Variants in STAM2 observed in about 807,000 individuals in gnomAD.
STAM2 encodes signal transducing adapter molecule 2.
In STAM2, 51 loss-of-function variants were observed where a neutral mutation model predicts 65.6. The ratio of observed to expected loss-of-function variants is 0.78; its 90% CI spans 0.62 to 0.98. STAM2 has a LOEUF of 0.98. Among genes scored for constraint, STAM2 ranks in the 50% least tolerant of loss-of-function variants. The pLI is 0.00. For synonymous variants in STAM2, 198 were observed against 208.4 expected (o/e 0.95, Z 0.43); for missense variants, 584 against 617.8 (o/e 0.95, Z 0.58).
At chr2:152,164,475 C>T (rs192529099) in intron 1 of STAM2, among the ~76,000 whole-genome samples, 1 of 151,984 alleles carries the variant, frequency 6.6e-6, no homozygotes, top group Non-Finnish European at 1.5e-5. Context: ...CTTGAGTAGC[C>T]GGGATTACAG....
intron 6 of STAM2, 60 bp from the exon 7 acceptor site, chr2:152,144,073 G>C (rs1375123978): frequency 7.4e-7 from 1 of 1,348,316 alleles, no homozygotes; most frequent in Non-Finnish European, 1.0e-6. Context: ...ATAAACATTA[G>C]ATGACAATGT....
At chr2:152,155,774 T>C (rs1354508886) in intron 1 of STAM2, among the ~76,000 whole-genome samples, 1 of 152,238 alleles carries the variant, frequency 6.6e-6, no homozygotes, top group East Asian at 1.9e-4. Flanking sequence ...CTACCCACAT[T>C]CTTTTCTGTA....
chr2:152,149,505 T>C (rs1174782039), intron 2 of STAM2, among the ~76,000 whole-genome samples: 2 of 150,974 alleles, frequency 1.3e-5, no homozygotes, highest in Non-Finnish European at 3.0e-5. Context: ...TCTTTTTTTT[T>C]TTTTTTTTTT....
rs776742439 is a variant in STAM2, at chr2:152,119,266, C to T, written c.*1308G>A. On this transcript the variant is annotated 3_prime_UTR_variant, in exon 14 of 14. Coordinates refer to ENST00000263904, the MANE Select transcript of STAM2 (RefSeq NM_005843.6). Reference sequence around the variant, plus strand: ...TTTTTAGGAGAGAAAACAATCCCTACTGGTTTACTACCAAACTCTCACAGT... The same window carrying T: ...TTTTTAGGAGAGAAAACAATCCCTATTGGTTTACTACCAAACTCTCACAGT... 21 of 152,158 alleles carry T rather than the reference C, an allele frequency of 1.4e-4. No homozygotes were observed. Among genetic ancestry groups the T allele is most frequent in the South Asian group, 8.3e-4 (4 of 4,832 alleles). The allele number at this position is 152,158 out of a possible 1,614,324, so 9.4% of individuals were successfully genotyped here.
intron 11 of STAM2, among the ~76,000 whole-genome samples, chr2:152,129,894 A>C (rs1219082516): frequency 2.6e-5 from 4 of 152,226 alleles, no homozygotes; most frequent in Non-Finnish European, 1.5e-5. Context: ...TTTAGAAAAC[A>C]CAACAAATTT....
At chr2:152,167,676 C>T (rs566387022) in intron 1 of STAM2, among the ~76,000 whole-genome samples, 161 of 152,168 alleles carry the variant, frequency 1.1e-3, no homozygotes, top group African/African-American at 3.7e-3. Flanking sequence ...AGGTGAATCA[C>T]TTGAGGTCAG....
chr2:152,137,628 C>A (rs900402364), intron 7 of STAM2, among the ~76,000 whole-genome samples: 1 of 152,112 alleles, frequency 6.6e-6, no homozygotes, highest in East Asian at 1.9e-4. Context: ...CCTATGCAAT[C>A]AAATTTGGCA....
In STAM2 at chr2:152,147,194, C is replaced by T. The variant is rs749353068; in HGVS notation, c.415G>A (p.Glu139Lys). 6.2e-7 allele frequency: 1 copy of T among 1,609,300 alleles called. No homozygotes were observed. Among genetic ancestry groups the T allele is most frequent in the East Asian group, 2.2e-5 (1 of 44,590 alleles). ...ISATIKSMKEEGITFPPAGSQ... is the reference protein window; with the variant it reads ...ISATIKSMKEKGITFPPAGSQ... ...CCTGCTGGAGGAAAAGTAATTCCTTCTTCTTTCATAGATTTAATAGTTGCA... is the reference window on the plus strand; with the variant it reads ...CCTGCTGGAGGAAAAGTAATTCCTTTTTCTTTCATAGATTTAATAGTTGCA... The change falls in exon 5 of 14, where the codon GAA (glutamate) becomes AAA (lysine). Residue 139 changes from glutamate to lysine, a missense_variant. Glu to Lys is a moderately conservative substitution (Grantham distance 56). Transcript: ENST00000263904.
At position 152,143,817 on chromosome 2, in the gene STAM2, T is replaced by G; in HGVS notation, c.704+10A>C. 6.2e-7 allele frequency: 1 copy of G among 1,602,474 alleles called. No individual in the cohort carries two copies. Among genetic ancestry groups the G allele is most frequent in the Non-Finnish European group, 8.5e-7 (1 of 1,174,088 alleles). On this transcript the variant is annotated intron_variant, in intron 7 of 13. Transcript: ENST00000263904. ...CACTTTAAACCTTCCCATAAAGATT[T>G]AAAACTTACCTGTCATCCAAAACAA...
intron 1 of STAM2, among the ~76,000 whole-genome samples, chr2:152,173,131 C>T: frequency 6.6e-6 from 1 of 150,916 alleles, no homozygotes; most frequent in East Asian, 1.9e-4. Flanking sequence ...CATTTTGTGT[C>T]CATAGATTAA....
chr2:152,164,098 A>G (rs6731625), intron 1 of STAM2, among the ~76,000 whole-genome samples: 91,738 of 151,866 alleles, frequency 0.6, 29,394 homozygotes, highest in East Asian at 0.87. Flanking sequence ...CTGATTTTGC[A>G]GCTCTGGTGG....
chr2:152,159,800 C>G (rs1382058424), intron 1 of STAM2, among the ~76,000 whole-genome samples: 1 of 152,254 alleles, frequency 6.6e-6, no homozygotes, highest in Non-Finnish European at 1.5e-5. Context: ...ACTGTACTGC[C>G]GCCATCTCTG....
chr2:152,129,256 C>T (rs557614568), intron 11 of STAM2, among the ~76,000 whole-genome samples: 1 of 152,224 alleles, frequency 6.6e-6, no homozygotes, highest in South Asian at 2.1e-4. Context: ...AAGTGATCTT[C>T]CCACCTCAGC....
intron 2 of STAM2, among the ~76,000 whole-genome samples, chr2:152,148,615 G>A (rs1305402951): frequency 6.6e-6 from 1 of 152,094 alleles, no homozygotes; most frequent in East Asian, 1.9e-4. Flanking sequence ...TGTGAGCTGT[G>A]TCATGCCACT....
In STAM2 at chr2:152,143,975, T is replaced by C. The variant is rs1296849947; in HGVS notation, c.556A>G (p.Thr186Ala). Residue 186 changes from threonine (T) to alanine (A), a missense_variant, in exon 7 of 14, where the codon ACA becomes GCA. Transcript: ENST00000263904. ...LSLQEQKQQH[T>A]ETKSLYPSSE... ...GATGGATATAAGGATTTTGTTTCTG[T>C]GTGTTGCTGTTTCTGTTCTTGCAGC... The C allele has an allele frequency of 5.0e-6, 8 of 1,613,142 alleles. No individual in the cohort carries two copies. The highest frequency in any genetic ancestry group is 6.8e-6 in the Non-Finnish European group (8 of 1,179,760).
Position 152,133,202 on chromosome 2 carries a change from G to C in STAM2, c.941C>G (p.Pro314Arg). 5 of 1,600,838 alleles carry C rather than the reference G, an allele frequency of 3.1e-6. No individual in the cohort carries two copies. The highest frequency in any genetic ancestry group is 2.6e-6 in the Non-Finnish European group (3 of 1,174,320). ...TAAATCCAAAAGGTCTTGGGAGTCTGGTTTTGAATCTGTTGGATCTATACT... is the reference window on the plus strand; with the variant it reads ...TAAATCCAAAAGGTCTTGGGAGTCTCGTTTTGAATCTGTTGGATCTATACT... ...LQSIDPTDSK[P>R]DSQDLLDLED... The change falls in exon 10 of 14, where the codon CCA (proline) becomes CGA (arginine). Residue 314 changes from proline to arginine, a missense_variant. By Grantham distance (103) the Pro-to-Arg change is moderately radical. Coordinates refer to ENST00000263904, the MANE Select transcript of STAM2 (RefSeq NM_005843.6).
In STAM2 at chr2:152,175,706, G is replaced by A. The variant is rs889557699; in HGVS notation, c.-64C>T. 5.1e-6 allele frequency: 8 copies of A among 1,556,140 alleles called. No individual in the cohort carries two copies. The East Asian group carries it at 7.2e-5, about 14-fold the overall frequency. Reference sequence around the variant, plus strand: ...GACACTCAGCAACTGCTACCCGCCGGGTGACCCGCGGCCGCGGCTCCCTAG... The same window carrying A: ...GACACTCAGCAACTGCTACCCGCCGAGTGACCCGCGGCCGCGGCTCCCTAG... On this transcript the variant is annotated 5_prime_UTR_variant, in exon 1 of 14. Coordinates refer to ENST00000263904, the MANE Select transcript of STAM2 (RefSeq NM_005843.6).
chr2:152,127,252 C>T (rs2105530319), intron 11 of STAM2, among the ~76,000 whole-genome samples: 1 of 152,274 alleles, frequency 6.6e-6, no homozygotes, highest in South Asian at 2.1e-4. Flanking sequence ...ATGCTAAGAA[C>T]ATGGACAACT....
At chr2:152,160,806 C>T (rs1400629451) in intron 1 of STAM2, among the ~76,000 whole-genome samples, 29 of 150,060 alleles carry the variant, frequency 1.9e-4, no homozygotes, top group African/African-American at 6.4e-4. Context: ...CGGCCAGCCG[C>T]CCCGTCCGGG....
Sources: allele counts gnomAD v4.1 joint callset (sites outside exome capture counted in the v4.1 genomes callset), GRCh38; gene constraint gnomAD v4.1.1; transcripts MANE v1.5; gene names NCBI Gene and HGNC (gene_info 2026-07-23, HGNC 2026-07-21).